Variants in LIG3 observed in about 807,000 individuals in gnomAD.
The protein encoded by LIG3 is ligase II, DNA, ATP-dependent.
LIG3 carries 58 observed loss-of-function variants against 110.9 expected under a neutral mutation model. That is an observed-to-expected ratio of 0.52 (90% CI 0.42 to 0.65). The LOEUF is 0.65. Among genes scored for constraint, LIG3 ranks in the 30% least tolerant of loss-of-function variants. The pLI is 0.00. For missense variants in LIG3, 1,094 were observed against 1,273.8 expected (o/e 0.86, Z 2.15); for synonymous variants, 422 against 472.8 (o/e 0.89, Z 1.39).
chr17:34,992,451 A>T lies in LIG3; in HGVS notation c.1287-73A>T. On this transcript the variant is annotated intron_variant, in intron 7 of 19. Coordinates refer to ENST00000378526, the MANE Select transcript of LIG3 (RefSeq NM_013975.4). The stretch of plus-strand genomic sequence containing the variant: ...AGATGAGGATTTCTTCTGTGAGGAC[A>T]GATTGCTGTCCAAAGCCATGGAGTC... 3 of 1,431,388 alleles carry T rather than the reference A, an allele frequency of 2.1e-6. No homozygotes were observed. The Admixed American group carries it at 6.9e-5, about 33-fold the overall frequency. The allele number at this position is 1,431,388 out of a possible 1,614,324, so 88.7% of individuals were successfully genotyped here. A position where few individuals can be genotyped will look rare whatever the true frequency, so the allele number is the denominator to read the frequency against.
chr17:35,010,823 C>G (rs966584527), downstream of LIG3: 1 of 151,910 alleles, frequency 6.6e-6, no homozygotes, highest in African/African-American at 2.4e-5. Context: ...AAAGTAGGGT[C>G]TCCTCACTCC....
At position 35,008,374 on chromosome 17, in the gene LIG3, C is replaced by T. The variant is rs891519216; in HGVS notation, c.*3868C>T. 6.6e-6 allele frequency: 1 copy of T among 152,170 alleles called. No homozygotes were observed. The highest frequency in any genetic ancestry group is 2.4e-5 in the African/African-American group (1 of 41,426). The allele number at this position is 152,170 out of a possible 1,614,324, so 9.4% of individuals were successfully genotyped here. A position where few individuals can be genotyped will look rare whatever the true frequency, so the allele number is the denominator to read the frequency against. ...TCTTGACCAAGGTCACTTGGCCCAA[C>T]CACAGGCTAATCCCAGGCCATGTGC... On this transcript the variant is annotated 3_prime_UTR_variant, in exon 20 of 20. Coordinates refer to ENST00000378526, the MANE Select transcript of LIG3 (RefSeq NM_013975.4).
intron 19 of LIG3, chr17:35,003,826 T>A (rs2142292226): frequency 6.0e-6 from 1 of 166,464 alleles, no homozygotes; most frequent in Non-Finnish European, 1.3e-5. Context: ...TAGAAACCTT[T>A]CCCCTCTCTC....
Position 34,983,292 on chromosome 17 carries a change from AC to A in LIG3, c.288del (p.Tyr97MetfsTer17). The stretch of plus-strand genomic sequence containing the variant: ...ATGGCTGAGCAACGGTTCTGTGTGG[AC>A]TATGCCAAGCGTGGCACAGCTGGCT... ...CEMAEQRFCV[D>X]YAKRGTAGCK... On this transcript the variant is annotated frameshift_variant, in exon 2 of 20. Coordinates refer to ENST00000378526, the MANE Select transcript of LIG3 (RefSeq NM_013975.4). LOFTEE classifies it high-confidence loss of function. 6.2e-7 allele frequency: 1 copy of A among 1,614,178 alleles called. No individual in the cohort carries two copies. Among genetic ancestry groups the A allele is most frequent in the South Asian group, 1.1e-5 (1 of 91,086 alleles).
intron 18 of LIG3, 80 bp downstream of exon 18, chr17:35,002,184 A>G (rs1373652587): frequency 7.4e-6 from 9 of 1,219,162 alleles, no homozygotes; most frequent in Non-Finnish European, 1.0e-5. Context: ...CCAGTCTCAC[A>G]TTCCAGCCCT....
rs1365433005 is a variant in LIG3 at position 34,999,843 on chromosome 17, T to C, written c.2318T>C (p.Val773Ala). 6.2e-7 allele frequency: 1 copy of C among 1,613,848 alleles called. No homozygotes were observed. Among genetic ancestry groups the C allele is most frequent in the African/African-American group, 1.3e-5 (1 of 74,894 alleles). ...AAGATCTACTATCCTGACTTCATCGTCCCAGACCCAAAGGTATCAACCCAG... is the reference window on the plus strand; with the variant it reads ...AAGATCTACTATCCTGACTTCATCGCCCCAGACCCAAAGGTATCAACCCAG... ...VNKIYYPDFI[V>A]PDPKKAAVWE... Residue 773 changes from valine (V) to alanine (A), a missense_variant, in exon 16 of 20, where the codon GTC (valine) becomes GCC (alanine). Coordinates refer to ENST00000378526, the MANE Select transcript of LIG3 (RefSeq NM_013975.4).
downstream of LIG3, chr17:35,009,808 A>C (rs1025148529): frequency 6.5e-6 from 1 of 152,672 alleles, no homozygotes; most frequent in African/African-American, 2.4e-5. Context: ...GTAAGTAGAG[A>C]GCCAGCTTCT....
intron 9 of LIG3, 76 bp from the exon 10 acceptor site, chr17:34,995,988 G>A: frequency 6.5e-7 from 1 of 1,548,818 alleles, no homozygotes; most frequent in Non-Finnish European, 8.8e-7. Flanking sequence ...CTGGGCCCGG[G>A]CTTTGCCCTC....
intron 10 of LIG3, 166 bp downstream of exon 10, chr17:34,996,361 A>G (rs2090777635): frequency 2.2e-6 from 2 of 919,524 alleles, no homozygotes; most frequent in Middle Eastern, 2.8e-4. Context: ...TTTTTCTCCT[A>G]AAAAGGGGCT....
chr17:34,981,628 A>G (rs1277832529), intron 1 of LIG3: 1 of 152,248 alleles, frequency 6.6e-6, no homozygotes, highest in Non-Finnish European at 1.5e-5. Flanking sequence ...TCTCCGAGGT[A>G]ACAGTCAGTA....
chr17:35,002,165 G>GTT, intron 18 of LIG3, 61 bp downstream of exon 18: 1 of 1,401,842 alleles, frequency 7.1e-7, no homozygotes, highest in African/African-American at 1.5e-5. Context: ...GAGATCCAAG[G>GTT]GCAGGGACCC....
intron 8 of LIG3, 25 bp from the exon 9 acceptor site, chr17:34,994,251 C>T (rs201523832): frequency 6.2e-7 from 1 of 1,602,924 alleles, no homozygotes; most frequent in Non-Finnish European, 8.5e-7. Context: ...TGAAAGTCTC[C>T]AGGCTTTGCT....
At chr17:34,995,981 G>C (rs960755130) in intron 9 of LIG3, 83 bp from the exon 10 acceptor site, 1 of 1,528,068 alleles carries the variant, frequency 6.5e-7, no homozygotes, top group African/African-American at 1.4e-5. Context: ...ATCCTGTCTG[G>C]GCCCGGGCTT....
At chr17:34,990,890 C>A in intron 4 of LIG3, 73 bp from the exon 5 acceptor site, 1 of 1,492,788 alleles carries the variant, frequency 6.7e-7, no homozygotes, top group Non-Finnish European at 9.2e-7. Context: ...AGCCACCTTG[C>A]CCAGCCTTCT....
rs1301672782 is a variant in LIG3 at position 34,998,743 on chromosome 17, G to A, written c.2113+16G>A. On this transcript the variant is annotated intron_variant, in intron 14 of 19. Coordinates refer to ENST00000378526, the MANE Select transcript of LIG3 (RefSeq NM_013975.4). The stretch of plus-strand genomic sequence containing the variant: ...GGGAGCAAAGGTCAGGGTGGCCTCT[G>A]CCCCCTGGGGTGGTACTGTTTTAGA... The A allele has an allele frequency of 5.6e-6, 9 of 1,611,958 alleles. No homozygotes were observed. Among genetic ancestry groups the A allele is most frequent in the Non-Finnish European group, 7.6e-6 (9 of 1,178,922 alleles).
chr17:34,992,543 A>G lies in LIG3; in HGVS notation c.1306A>G (p.Asn436Asp), dbSNP rs774635403. 2.5e-6 allele frequency: 4 copies of G among 1,605,634 alleles called. No individual in the cohort carries two copies. The highest frequency in any genetic ancestry group is 2.6e-6 in the Non-Finnish European group (3 of 1,176,436). Reference sequence around the variant, plus strand: ...TGGCAGGTTAGACGCCCTTGACCCCAATGCCTATGAAGCCTTCAAAGCCTC... The same window carrying G: ...TGGCAGGTTAGACGCCCTTGACCCCGATGCCTATGAAGCCTTCAAAGCCTC... Reference protein sequence around the residue: ...AKHVLDALDPNAYEAFKASRN... With the variant: ...AKHVLDALDPDAYEAFKASRN... Residue 436 changes from asparagine (N) to aspartate (D), a missense_variant, in exon 8 of 20, where the codon AAT (asparagine) becomes GAT (aspartate). Asn to Asp is a conservative substitution (Grantham distance 23, BLOSUM62 1). Coordinates refer to ENST00000378526, the MANE Select transcript of LIG3 (RefSeq NM_013975.4).
At position 35,005,398 on chromosome 17, in the gene LIG3, G is replaced by A. The variant is rs149438368; in HGVS notation, c.*892G>A. 62 of 559,328 alleles carry A rather than the reference G, an allele frequency of 1.1e-4. No individual in the cohort carries two copies. The East Asian group carries it at 2.5e-3, about 22-fold the overall frequency. 34.6% of individuals were successfully genotyped at this position (559,328 alleles called of 1,614,324 possible). On this transcript the variant is annotated 3_prime_UTR_variant, in exon 20 of 20. Transcript: ENST00000378526. The stretch of plus-strand genomic sequence containing the variant: ...TGCACATGCCATCAGCCATGACTGT[G>A]TATGCTCTGGTGGTGGTGTCTTACT...
rs758955832 is a variant in LIG3 at position 34,999,301 on chromosome 17, T to TC, written c.2114-3dup. Reference sequence around the variant, plus strand: ...AACCCACACTCATCTCACACTCCCCTCCCAGGCGGCATGATGTCAATCTTC... The same window carrying TC: ...AACCCACACTCATCTCACACTCCCCTCCCCAGGCGGCATGATGTCAATCTTC... On this transcript the variant is annotated splice_polypyrimidine_tract_variant and splice_region_variant and intron_variant, in intron 14 of 19. Transcript: ENST00000378526. 31 of 1,610,718 alleles carry TC rather than the reference T, an allele frequency of 1.9e-5. No individual in the cohort carries two copies. In the African/African-American group the frequency reaches 3.9e-4, roughly 20 times the overall value.
In LIG3 at chr17:34,998,999, A is replaced by G. The variant is rs2090810988; in HGVS notation, c.2113+272A>G. The G allele has an allele frequency of 1.8e-5, 9 of 506,680 alleles. No individual in the cohort carries two copies. In the South Asian group the frequency reaches 2.9e-4, roughly 16 times the overall value. The allele number at this position is 506,680 out of a possible 1,614,324, so 31.4% of individuals were successfully genotyped here. ...GGGCCTGACAGCTTTCTCCTCAGGC[A>G]AAATCTCTTTCCTGACTGGAAAGGA... is the stretch of plus-strand genomic sequence containing the variant. On this transcript the variant is annotated intron_variant, in intron 14 of 19. Coordinates refer to ENST00000378526, the MANE Select transcript of LIG3 (RefSeq NM_013975.4).
Sources: allele counts gnomAD v4.1 joint callset, GRCh38; gene constraint gnomAD v4.1.1; transcripts MANE v1.5; gene names NCBI Gene and HGNC (gene_info 2026-07-23, HGNC 2026-07-21).